TAF13: variants seen among roughly 807,000 people sequenced by gnomAD.
TAF13 encodes TATA-box binding protein associated factor 13.
In TAF13, 9 loss-of-function variants were observed where a neutral mutation model predicts 18.7. The ratio of observed to expected loss-of-function variants is 0.48; its 90% confidence interval spans 0.29 to 0.84. The LOEUF (loss-of-function observed/expected upper bound fraction) is 0.84, where lower values mean the gene tolerates loss of function less well. TAF13 is among the 40% of genes least tolerant of loss of function. The pLI is 0.08. For missense variants in TAF13, 105 were observed against 146.5 expected (o/e 0.72, Z 1.46); for synonymous variants, 49 against 44.1 (o/e 1.11, Z -0.44).
chr1:109,066,929 C>A (rs1306897437), intron 2 of TAF13, among the ~76,000 whole-genome samples: 1 of 151,982 alleles, frequency 6.6e-6, no homozygotes, highest in Non-Finnish European at 1.5e-5. Flanking sequence ...CTGTGTTAGC[C>A]AGGATGGTCT....
chr1:109,069,792 C>T (rs1410986441), intron 2 of TAF13, among the ~76,000 whole-genome samples: 2 of 151,950 alleles, frequency 1.3e-5, no homozygotes, highest in Non-Finnish European at 2.9e-5. Context: ...GGAAACCAGC[C>T]TGAGATAGAC....
intron 2 of TAF13, among the ~76,000 whole-genome samples, chr1:109,068,075 C>CA (rs1663982263): frequency 6.6e-6 from 1 of 152,148 alleles, no homozygotes; most frequent in Admixed American, 6.6e-5. Context: ...GCTGCAGCCT[C>CA]AACCTCCCTG....
chr1:109,075,968 C>A lies in TAF13; in HGVS notation c.-21G>T, dbSNP rs1415649805. 2 of 1,614,212 alleles carry A rather than the reference C, an allele frequency of 1.2e-6. No homozygotes were observed. The highest frequency in any genetic ancestry group is 1.7e-6 in the Non-Finnish European group (2 of 1,180,040). Reference sequence around the variant, plus strand: ...GCCATCCCACTAGCACGCCAACTCACAGCGTCCTGCCGGCTGGCTCCCAGC... The same window carrying A: ...GCCATCCCACTAGCACGCCAACTCAAAGCGTCCTGCCGGCTGGCTCCCAGC... On this transcript the variant is annotated 5_prime_UTR_variant, in exon 1 of 4. Coordinates refer to ENST00000338366, the MANE Select transcript of TAF13 (RefSeq NM_005645.4).
intron 2 of TAF13, among the ~76,000 whole-genome samples, chr1:109,070,698 C>A (rs1489213950): frequency 2.0e-5 from 3 of 150,762 alleles, no homozygotes; most frequent in Non-Finnish European, 3.0e-5. Context: ...CCAGTCCCCC[C>A]CAAATTTTTT....
At chr1:109,075,128 A>ATATT in intron 1 of TAF13, 63 bp from the exon 2 acceptor site, 1 of 1,409,000 alleles carries the variant, frequency 7.1e-7, no homozygotes, top group Non-Finnish European at 9.7e-7. Flanking sequence ...TATTTTAATA[A>ATATT]TGACATTTTT....
chr1:109,067,654 A>G (rs538763581), intron 2 of TAF13, among the ~76,000 whole-genome samples: 1 of 152,246 alleles, frequency 6.6e-6, no homozygotes, highest in Non-Finnish European at 1.5e-5. Context: ...CAAAAATAAT[A>G]AGAGAGAAGT....
rs1664065294 is a variant in TAF13, at chr1:109,071,960, ATATATATATATATATACACACATATATAT to A, written c.106+2998_106+3026del. On this transcript the variant is annotated intron_variant, in intron 2 of 3. Coordinates refer to ENST00000338366, the MANE Select transcript of TAF13 (RefSeq NM_005645.4). ...TGAGACTCTGTCTCAAAAAGAAAAT[ATATATATATATATATACACACATATATAT>A]ATATATATATATATATATATATATA... 2.1e-3 allele frequency among the ~76,000 whole-genome samples: 10 copies of A among 4,790 alleles called. 1 individual carries two copies. The highest frequency in any genetic ancestry group is 7.9e-3 in the South Asian group (1 of 126). 3.1% of individuals were successfully genotyped at this position (4,790 alleles called of 152,430 possible).
At chr1:109,068,942 C>T (rs1663998163) in intron 2 of TAF13, among the ~76,000 whole-genome samples, 1 of 152,058 alleles carries the variant, frequency 6.6e-6, no homozygotes, top group Non-Finnish European at 1.5e-5. Flanking sequence ...GCAGAGGTTG[C>T]GGAGAGCTGA....
Position 109,064,328 on chromosome 1 carries a change from G to A in TAF13, c.*195C>T, listed in dbSNP as rs1275316745. 2 of 406,784 alleles carry A rather than the reference G, an allele frequency of 4.9e-6. No homozygotes were observed. The highest frequency in any genetic ancestry group is 8.4e-6 in the Non-Finnish European group (2 of 237,016). The allele number at this position is 406,784 out of a possible 1,614,324, so 25.2% of individuals were successfully genotyped here. On this transcript the variant is annotated 3_prime_UTR_variant, in exon 4 of 4. Transcript: ENST00000338366. ...CATTAAAACCCAGTAAGTAATTCAA[G>A]TATGGTAATATAAAGGCAGGCAATT...
At chr1:109,067,612 AAAT>A (rs561454174) in intron 2 of TAF13, among the ~76,000 whole-genome samples, 16 of 152,114 alleles carry the variant, frequency 1.1e-4, no homozygotes, top group South Asian at 4.2e-4. Flanking sequence ...TGTGTCTCAA[AAAT>A]AATAATAATA....
In TAF13 at chr1:109,074,512, C is replaced by T. The variant is rs578147293; in HGVS notation, c.106+475G>A. On this transcript the variant is annotated intron_variant, in intron 2 of 3. Transcript: ENST00000338366. ...ACATGTTTATCTGCTGACCTTCTCT[C>T]CACTATTGTCCTATGACCCCGCCAA... Among the ~76,000 whole-genome samples the T allele has an allele frequency of 2.2e-4, 34 of 152,244 alleles. No individual in the cohort carries two copies. In the South Asian group the frequency reaches 5.8e-3, roughly 26 times the overall value.
rs1663910234 is a variant in TAF13, at chr1:109,064,176, A to AAAAAAAAAAC, written c.*346_*347insGTTTTTTTTT. 2 of 151,432 alleles carry AAAAAAAAAAC rather than the reference A, an allele frequency of 1.3e-5. No individual in the cohort carries two copies. The highest frequency in any genetic ancestry group is 2.5e-5 in the African/African-American group (1 of 39,550). 9.4% of individuals were successfully genotyped at this position (151,432 alleles called of 1,614,324 possible). A position where few individuals can be genotyped will look rare whatever the true frequency, so the allele number is the denominator to read the frequency against. On this transcript the variant is annotated 3_prime_UTR_variant, in exon 4 of 4. Transcript: ENST00000338366. Reference sequence around the variant, plus strand: ...CATCTCAAAAAAAAAAAAAAAAAAAAAAAAAGCTACAGTATAGCTTACAAG... The same window carrying AAAAAAAAAAC: ...CATCTCAAAAAAAAAAAAAAAAAAAAAAAAAAAAACAAAAAGCTACAGTATAGCTTACAAG...
At chr1:109,068,091 C>G (rs562676258) in intron 2 of TAF13, among the ~76,000 whole-genome samples, 1 of 152,114 alleles carries the variant, frequency 6.6e-6, no homozygotes, top group Non-Finnish European at 1.5e-5. Flanking sequence ...CCCTGGCTCA[C>G]GTGAGCAGCT....
chr1:109,065,094 A>G (rs1223904375), intron 3 of TAF13, among the ~76,000 whole-genome samples: 1 of 152,174 alleles, frequency 6.6e-6, no homozygotes, highest in Non-Finnish European at 1.5e-5. Context: ...TAAAAATCAA[A>G]TAACTCTATC....
chr1:109,066,642 G>A (rs892578376), intron 2 of TAF13, among the ~76,000 whole-genome samples: 33 of 152,244 alleles, frequency 2.2e-4, no homozygotes, highest in African/African-American at 7.2e-4. Flanking sequence ...TTGGAAAAAC[G>A]GCAGACTCTT....
intron 2 of TAF13, among the ~76,000 whole-genome samples, chr1:109,067,994 T>C (rs1021633345): frequency 6.6e-6 from 1 of 152,188 alleles, no homozygotes; most frequent in African/African-American, 2.4e-5. Flanking sequence ...GTGAATTCTT[T>C]TTTTTGCTCT....
At chr1:109,074,917 A>C in intron 2 of TAF13, 70 bp downstream of exon 2, 1 of 1,122,908 alleles carries the variant, frequency 8.9e-7, no homozygotes, top group Non-Finnish European at 1.3e-6. Context: ...AAAGCAATAA[A>C]GCTACTTTGA....
intron 2 of TAF13, among the ~76,000 whole-genome samples, chr1:109,067,943 G>A (rs1461002897): frequency 6.6e-6 from 1 of 152,156 alleles, no homozygotes; most frequent in Non-Finnish European, 1.5e-5. Context: ...CAACAGCATC[G>A]CACTTGTTGG....
chr1:109,065,988 G>T, intron 3 of TAF13, 147 bp downstream of exon 3: 1 of 615,016 alleles, frequency 1.6e-6, no homozygotes. Flanking sequence ...CATCCTCAAT[G>T]ATAAATAGTA....
Sources: allele counts gnomAD v4.1 joint callset (sites outside exome capture counted in the v4.1 genomes callset), GRCh38; gene constraint gnomAD v4.1.1; transcripts MANE v1.5; gene names NCBI Gene and HGNC (gene_info 2026-07-23, HGNC 2026-07-21).